ENTREP2: variants seen among roughly 807,000 people sequenced by gnomAD.
The protein encoded by ENTREP2 is endosomal transmembrane epsin interactor 2.
the ENTREP2 span, among the ~76,000 whole-genome samples, chr15:29,279,027 C>T: frequency 6.6e-6 from 1 of 152,190 alleles, no homozygotes; most frequent in African/African-American, 2.4e-5. Context: ...GGTGTCTCTT[C>T]CTCCTTTTGT....
At chr15:29,161,171 T>G in the ENTREP2 span, among the ~76,000 whole-genome samples, 1 of 152,212 alleles carries the variant, frequency 6.6e-6, no homozygotes, top group Admixed American at 6.5e-5. Context: ...ATGTAAGGCC[T>G]TGACTGCTCT....
At chr15:29,282,903 C>A in the ENTREP2 span, among the ~76,000 whole-genome samples, 6 of 152,296 alleles carry the variant, frequency 3.9e-5, no homozygotes, top group Admixed American at 3.9e-4. Flanking sequence ...GGCCAACCAG[C>A]CAGATGTTCT....
At chr15:29,277,018 C>G in the ENTREP2 span, among the ~76,000 whole-genome samples, 2 of 152,112 alleles carry the variant, frequency 1.3e-5, no homozygotes, top group Non-Finnish European at 2.9e-5. Context: ...AAGGGAGAGA[C>G]AAATTATGAA....
At chr15:29,570,951 C>A in the ENTREP2 span, among the ~76,000 whole-genome samples, 2 of 144,704 alleles carry the variant, frequency 1.4e-5, no homozygotes, top group Non-Finnish European at 3.1e-5. Context: ...CCGCGCCGCC[C>A]GCCCGCCGGC....
chr15:29,200,184 AT>A, the ENTREP2 span, among the ~76,000 whole-genome samples: 27 of 148,992 alleles, frequency 1.8e-4, no homozygotes, highest in Admixed American at 4.0e-4. Context: ...CTCCATATAC[AT>A]TTTTTTTTTG....
chr15:29,670,016 A>AGGTC, the ENTREP2 span, among the ~76,000 whole-genome samples: 1 of 152,160 alleles, frequency 6.6e-6, no homozygotes, highest in Non-Finnish European at 1.5e-5. Context: ...GAACTTCAAG[A>AGGTC]TGCTATTCAT....
chr15:29,531,946 G>A, the ENTREP2 span, among the ~76,000 whole-genome samples: 4 of 152,202 alleles, frequency 2.6e-5, no homozygotes, highest in Admixed American at 6.5e-5. Flanking sequence ...GATTACAGGC[G>A]TGAGCCACCG....
the ENTREP2 span, among the ~76,000 whole-genome samples, chr15:29,671,989 T>G: frequency 6.6e-6 from 1 of 152,142 alleles, no homozygotes; most frequent in Non-Finnish European, 1.5e-5. Context: ...GGGATTCTTT[T>G]TTTGTTTGTT....
the ENTREP2 span, among the ~76,000 whole-genome samples, chr15:29,173,132 A>C: frequency 6.6e-6 from 1 of 152,078 alleles, no homozygotes; most frequent in South Asian, 2.1e-4. Context: ...TCCCCCGCCC[A>C]GGGAAGGGGC....
the ENTREP2 span, among the ~76,000 whole-genome samples, chr15:29,589,601 G>A: frequency 4.6e-4 from 70 of 152,198 alleles, no homozygotes; most frequent in Admixed American, 4.5e-3. Context: ...CATGAACACC[G>A]CATTCAGCTT....
chr15:29,388,385 A>G, the ENTREP2 span, among the ~76,000 whole-genome samples: 8 of 152,262 alleles, frequency 5.3e-5, no homozygotes, highest in African/African-American at 1.4e-4. Flanking sequence ...ATCACTGGCC[A>G]TCAGAGAAAT....
chr15:29,447,076 GA>G, the ENTREP2 span, among the ~76,000 whole-genome samples: 1 of 152,176 alleles, frequency 6.6e-6, no homozygotes, highest in Non-Finnish European at 1.5e-5. Flanking sequence ...CATCTTTGTG[GA>G]GGGGGGTCAC....
chr15:29,652,280 G>A, the ENTREP2 span, among the ~76,000 whole-genome samples: 1 of 152,252 alleles, frequency 6.6e-6, no homozygotes, highest in South Asian at 2.1e-4. Context: ...CTCTGCTGAG[G>A]GCTGAACACT....
At chr15:29,379,616 C>A in the ENTREP2 span, among the ~76,000 whole-genome samples, 3 of 152,108 alleles carry the variant, frequency 2.0e-5, no homozygotes, top group Admixed American at 2.0e-4. Flanking sequence ...CTACATCCCC[C>A]CACTGGGATG....
chr15:29,128,692 AAGAG>A, the ENTREP2 span: 3 of 893,684 alleles, frequency 3.4e-6, no homozygotes, highest in Non-Finnish European at 5.4e-6. Flanking sequence ...GAGGAGGAAA[AAGAG>A]AAGAGAAGAG....
chr15:29,445,055 C>A, the ENTREP2 span, among the ~76,000 whole-genome samples: 5 of 152,176 alleles, frequency 3.3e-5, no homozygotes, highest in Admixed American at 3.3e-4. Context: ...ATGTGCCCAA[C>A]TGCTATGGTC....
At chr15:29,633,195 CAACT>C in the ENTREP2 span, among the ~76,000 whole-genome samples, 6 of 152,132 alleles carry the variant, frequency 3.9e-5, no homozygotes, top group Non-Finnish European at 8.8e-5. Context: ...CTGGCACCAC[CAACT>C]GTCAGCCTTC....
chr15:29,454,433 TC>T, the ENTREP2 span, among the ~76,000 whole-genome samples: 4 of 152,354 alleles, frequency 2.6e-5, no homozygotes, highest in East Asian at 7.7e-4. Context: ...TATCAATCTT[TC>T]CCCTTATTAT....
At chr15:29,126,981 G>A in the ENTREP2 span, among the ~76,000 whole-genome samples, 2 of 152,174 alleles carry the variant, frequency 1.3e-5, no homozygotes, top group African/African-American at 4.8e-5. Context: ...GGGTGTGGAC[G>A]CCACGCCAGC....
Sources: gnomAD v4.1 joint callset for allele counts (sites outside exome capture counted in the v4.1 genomes callset) on GRCh38, gnomAD v4.1.1 for gene constraint, MANE v1.5 for transcripts, NCBI Gene and HGNC (gene_info 2026-07-23, HGNC 2026-07-21) for gene names.